Variants in PELI2 observed in about 807,000 individuals in gnomAD.
PELI2 encodes the protein E3 ubiquitin-protein ligase pellino homolog 2.
A neutral mutation model predicts 42.3 loss-of-function variants in PELI2; 23 were observed. That is an observed-to-expected ratio of 0.54 (90% CI 0.39 to 0.77). The LOEUF (loss-of-function observed/expected upper bound fraction) is 0.77. Ranked by LOEUF, PELI2 falls within the 30% of genes least tolerant of loss-of-function variation. The pLI is 0.00. For synonymous variants in PELI2, 245 were observed against 212.2 expected (o/e 1.15, Z -1.34); for missense variants, 463 against 553.2 (o/e 0.84, Z 1.64).
In PELI2 at chr14:56,146,022, A is replaced by G. The variant is rs144046814; in HGVS notation, c.77+27285A>G. On this transcript the variant is annotated intron_variant, in intron 1 of 5. Coordinates refer to ENST00000267460, the MANE Select transcript of PELI2 (RefSeq NM_021255.3). ...ATTGAAATCCAAATTGACTGTATTA[A>G]TGTGACAGATGACATTGTTTTGCTA... Among the ~76,000 whole-genome samples the G allele has an allele frequency of 3.9e-5, 6 of 152,352 alleles. 1 individual carries two copies. Among genetic ancestry groups the G allele is most frequent in the African/African-American group, 1.2e-4 (5 of 41,582 alleles).
Position 56,132,763 on chromosome 14 carries a change from A to G in PELI2, c.77+14026A>G, listed in dbSNP as rs558378536. Reference sequence around the variant, plus strand: ...CTTTTTATCTACTTGAACACTCACCATGTTGGTTACCATAAATCACGCCCT... The same window carrying G: ...CTTTTTATCTACTTGAACACTCACCGTGTTGGTTACCATAAATCACGCCCT... On this transcript the variant is annotated intron_variant, in intron 1 of 5. Transcript: ENST00000267460. Among the ~76,000 whole-genome samples the G allele has an allele frequency of 3.9e-5, 6 of 152,260 alleles. No homozygotes were observed. The East Asian group carries it at 5.8e-4, about 15-fold the overall frequency.
chr14:56,165,175 C>A (rs1884910333), intron 1 of PELI2, among the ~76,000 whole-genome samples: 2 of 151,956 alleles, frequency 1.3e-5, no homozygotes, highest in South Asian at 4.2e-4. Context: ...CTATAAACTT[C>A]CCTGTTAGTA....
intron 2 of PELI2, among the ~76,000 whole-genome samples, chr14:56,238,970 A>G (rs72717999): frequency 6.6e-6 from 1 of 152,206 alleles, no homozygotes; most frequent in African/African-American, 2.4e-5. Flanking sequence ...CAACTCAAGC[A>G]GTAAATTAAA....
intron 2 of PELI2, among the ~76,000 whole-genome samples, chr14:56,274,851 A>G (rs994548917): frequency 2.0e-5 from 3 of 152,234 alleles, no homozygotes; most frequent in African/African-American, 7.2e-5. Flanking sequence ...TCAGCTGGAT[A>G]AAGCTGAAAT....
chr14:56,199,904 T>C (rs1217630013), intron 2 of PELI2, among the ~76,000 whole-genome samples: 1 of 152,220 alleles, frequency 6.6e-6, no homozygotes, highest in African/African-American at 2.4e-5. Flanking sequence ...TTGATGTTGA[T>C]TGAGTGTATC....
intron 2 of PELI2, among the ~76,000 whole-genome samples, chr14:56,235,327 T>A (rs1040151908): frequency 9.2e-5 from 14 of 152,108 alleles, no homozygotes; most frequent in African/African-American, 3.4e-4. Flanking sequence ...TCAAGATATA[T>A]CCCCCCAAAA....
chr14:56,222,675 G>A (rs778816537), intron 2 of PELI2, among the ~76,000 whole-genome samples: 5 of 152,330 alleles, frequency 3.3e-5, no homozygotes, highest in Admixed American at 1.3e-4. Context: ...GCTCTAGTTT[G>A]TACATATTAG....
At position 56,300,930 on chromosome 14, in the gene PELI2, A is replaced by G. The variant is rs894187453; in HGVS notation, c.*3764A>G. 3 of 152,232 alleles carry G rather than the reference A, an allele frequency of 2.0e-5. No individual in the cohort carries two copies. The highest frequency in any genetic ancestry group is 4.4e-5 in the Non-Finnish European group (3 of 68,046). 9.4% of individuals were successfully genotyped at this position (152,232 alleles called of 1,614,324 possible). On this transcript the variant is annotated 3_prime_UTR_variant, in exon 6 of 6. Coordinates refer to ENST00000267460, the MANE Select transcript of PELI2 (RefSeq NM_021255.3). The stretch of plus-strand genomic sequence containing the variant: ...GGTTCAGTATTTTCTTTTTAGTATA[A>G]CTTACATCCTTTCAAATAAGTCTTT...
intron 1 of PELI2, among the ~76,000 whole-genome samples, chr14:56,168,352 A>G (rs1031768234): frequency 5.9e-5 from 9 of 152,110 alleles, no homozygotes; most frequent in South Asian, 4.1e-4. Flanking sequence ...CTGGTGTTCT[A>G]TTTTATTGTG....
At chr14:56,235,427 C>G (rs1246512028) in intron 2 of PELI2, among the ~76,000 whole-genome samples, 1 of 152,224 alleles carries the variant, frequency 6.6e-6, no homozygotes, top group East Asian at 1.9e-4. Flanking sequence ...GGCTCACTCC[C>G]GTGAACTCCA....
At chr14:56,259,295 G>A (rs531863065) in intron 2 of PELI2, among the ~76,000 whole-genome samples, 2 of 152,212 alleles carry the variant, frequency 1.3e-5, no homozygotes, top group South Asian at 4.1e-4. Context: ...ACTAGACGTG[G>A]TAAAAATGAG....
chr14:56,181,761 A>G (rs1885589754), intron 2 of PELI2, among the ~76,000 whole-genome samples: 1 of 152,058 alleles, frequency 6.6e-6, no homozygotes, highest in East Asian at 1.9e-4. Flanking sequence ...ACTGTTGTGT[A>G]ATCTCTATTT....
Position 56,276,524 on chromosome 14 carries a change from G to A in PELI2, c.208-3152G>A, listed in dbSNP as rs137959016. Among the ~76,000 whole-genome samples the A allele has an allele frequency of 1.5e-3, 232 of 152,278 alleles. 1 individual carries two copies. Among genetic ancestry groups the A allele is most frequent in the African/African-American group, 5.4e-3 (224 of 41,556 alleles). On this transcript the variant is annotated intron_variant, in intron 2 of 5. Coordinates refer to ENST00000267460, the MANE Select transcript of PELI2 (RefSeq NM_021255.3). Reference sequence around the variant, plus strand: ...CTCTTCTCCTGGCTTAGCATTACCAGAGGGAAATCCTTGCCAGAACTGGAA... The same window carrying A: ...CTCTTCTCCTGGCTTAGCATTACCAAAGGGAAATCCTTGCCAGAACTGGAA...
rs569246668 is a variant in PELI2 at position 56,144,930 on chromosome 14, C to T, written c.77+26193C>T. The T allele has an allele frequency of 7.6e-5, 74 of 972,550 alleles. No individual in the cohort carries two copies. In the Admixed American group the frequency reaches 1.4e-3, roughly 18 times the overall value. 60.2% of individuals were successfully genotyped at this position (972,550 alleles called of 1,614,324 possible). A position where few individuals can be genotyped will look rare whatever the true frequency, so the allele number is the denominator to read the frequency against. On this transcript the variant is annotated intron_variant, in intron 1 of 5. Coordinates refer to ENST00000267460, the MANE Select transcript of PELI2 (RefSeq NM_021255.3). ...CTTTATTACTGACTTTACTCTTTGC[C>T]GGTGTTTCCATTACAGGAGAAGAGG... is the stretch of plus-strand genomic sequence containing the variant.
Position 56,279,717 on chromosome 14 carries a change from G to C in PELI2, c.249G>C (p.Leu83Phe). The C allele has an allele frequency of 6.9e-6, 11 of 1,604,768 alleles. No individual in the cohort carries two copies. The highest frequency in any genetic ancestry group is 9.4e-6 in the Non-Finnish European group (11 of 1,171,958). Reference protein sequence around the residue: ...CKGQHSISYTLSRNQTVVVEY... With the variant: ...CKGQHSISYTFSRNQTVVVEY... ...GTCAACACAGTATATCCTACACTTTGTCAAGGAATCAGACTGTGGTGGTGG... is the reference window on the plus strand; with the variant it reads ...GTCAACACAGTATATCCTACACTTTCTCAAGGAATCAGACTGTGGTGGTGG... Residue 83 changes from leucine (L) to phenylalanine (F), a missense_variant, in exon 3 of 6, where the codon TTG (leucine) becomes TTC (phenylalanine). By Grantham distance (22) the Leu-to-Phe change is conservative. Transcript: ENST00000267460.
In PELI2 at chr14:56,214,053, G is replaced by C. The variant is rs192170069; in HGVS notation, c.207+35589G>C. Among the ~76,000 whole-genome samples the C allele has an allele frequency of 5.2e-4, 79 of 152,240 alleles. 1 individual carries two copies. In the East Asian group the frequency reaches 0.015, roughly 28 times the overall value. On this transcript the variant is annotated intron_variant, in intron 2 of 5. Coordinates refer to ENST00000267460, the MANE Select transcript of PELI2 (RefSeq NM_021255.3). ...TTTTTGGTAGGGACGGGGTTTCACC[G>C]TGTTGGCCAGGATGGTCTCGAACTC... is the stretch of plus-strand genomic sequence containing the variant.
At chr14:56,158,076 G>A (rs1884629354) in intron 1 of PELI2, among the ~76,000 whole-genome samples, 1 of 152,146 alleles carries the variant, frequency 6.6e-6, no homozygotes, top group African/African-American at 2.4e-5. Context: ...TGCCCAGGCT[G>A]GAGTGCAGTG....
At chr14:56,277,516 A>G (rs906309975) in intron 2 of PELI2, among the ~76,000 whole-genome samples, 15 of 152,016 alleles carry the variant, frequency 9.9e-5, no homozygotes, top group Admixed American at 6.6e-4. Flanking sequence ...TACATATTAC[A>G]ATGTAATAAT....
chr14:56,141,647 C>T (rs1414004216), intron 1 of PELI2, among the ~76,000 whole-genome samples: 1 of 152,060 alleles, frequency 6.6e-6, no homozygotes, highest in African/African-American at 2.4e-5. Flanking sequence ...CACAGGTCAG[C>T]GGGAGAGAGA....
Sources: allele counts gnomAD v4.1 joint callset (sites outside exome capture counted in the v4.1 genomes callset), GRCh38; gene constraint gnomAD v4.1.1; transcripts MANE v1.5; gene names NCBI Gene and HGNC (gene_info 2026-07-23, HGNC 2026-07-21).